DNAH11: variants seen among roughly 807,000 people sequenced by gnomAD.
DNAH11 encodes axonemal beta dynein heavy chain 11.
A neutral mutation model predicts 526.0 loss-of-function variants in DNAH11; 442 were observed. The observed-to-expected ratio is 0.84, with a 90% confidence interval of 0.78 to 0.91. DNAH11 has a LOEUF of 0.91. Ranked by LOEUF, DNAH11 falls within the 40% of genes least tolerant of loss-of-function variation. The pLI is 0.00. For synonymous variants in DNAH11, 2,461 were observed against 1,935.9 expected, an observed-to-expected ratio of 1.27 and a Z score of -7.12; for missense variants, 6,989 against 5,448.7, an observed-to-expected ratio of 1.28 and a Z score of -8.90.
rs750362710 is a variant in DNAH11 at position 21,720,730 on chromosome 7, A to T, written c.7140A>T (p.Leu2380=). 6.4e-7 allele frequency: 1 copy of T among 1,569,878 alleles called. No individual in the cohort carries two copies. Among genetic ancestry groups the T allele is most frequent in the Non-Finnish European group, 8.6e-7 (1 of 1,156,186 alleles). The change falls in exon 44 of 82, where the codon CTA becomes CTT. Residue 2380 remains leucine, a synonymous_variant. Transcript: ENST00000409508. Reference sequence around the variant, plus strand: ...GACTATTTCTTTTTCTTTAGACTCTATGTGTTCTTTTGGAGTGCTTGCTGA... The same window carrying T: ...GACTATTTCTTTTTCTTTAGACTCTTTGTGTTCTTTTGGAGTGCTTGCTGA... ...SIPESSLVQT[L]CVLLECLLTP...
intron 65 of DNAH11, among the ~76,000 whole-genome samples, chr7:21,823,064 C>T (rs1053009311): frequency 2.9e-5 from 4 of 137,842 alleles, no homozygotes; most frequent in African/African-American, 1.1e-4. Flanking sequence ...TTCTCCCATT[C>T]TGTAGGTTGT....
chr7:21,693,404 A>G (rs921552438), intron 35 of DNAH11, among the ~76,000 whole-genome samples: 4 of 152,330 alleles, frequency 2.6e-5, no homozygotes, highest in African/African-American at 4.8e-5. Flanking sequence ...TTAAAAATCT[A>G]TGCCATGAGG....
At chr7:21,862,166 G>A (rs1783089986) in intron 69 of DNAH11, 143 bp downstream of exon 69, 2 of 864,974 alleles carry the variant, frequency 2.3e-6, no homozygotes, top group Non-Finnish European at 3.3e-6. Context: ...AGGGGAATTT[G>A]CTTCCCACAG....
rs1482512281 is a variant in DNAH11 at position 21,895,076 on chromosome 7, A to C, written c.13049+77A>C. The stretch of plus-strand genomic sequence containing the variant: ...GTTAGTGTTCTGAATAATGCTTCCT[A>C]AGAACTATGCAGACGGAGCTTTGTG... On this transcript the variant is annotated intron_variant, in intron 79 of 81. Coordinates refer to ENST00000409508, the MANE Select transcript of DNAH11 (RefSeq NM_001277115.2). 9.1e-6 allele frequency: 11 copies of C among 1,207,130 alleles called. No homozygotes were observed. In the Admixed American group the frequency reaches 1.6e-4, roughly 18 times the overall value. 74.8% of individuals were successfully genotyped at this position (1,207,130 alleles called of 1,614,324 possible). A position where few individuals can be genotyped will look rare whatever the true frequency, so the allele number is the denominator to read the frequency against.
intron 71 of DNAH11, among the ~76,000 whole-genome samples, 177 bp from the exon 72 acceptor site, chr7:21,867,682 A>T (rs1277055095): frequency 3.9e-5 from 6 of 152,196 alleles, no homozygotes; most frequent in African/African-American, 1.4e-4. Flanking sequence ...GAAGGATTTC[A>T]TTGACACACC....
intron 18 of DNAH11, among the ~76,000 whole-genome samples, chr7:21,602,026 C>T (rs1483188145): frequency 2.0e-5 from 3 of 151,564 alleles, no homozygotes; most frequent in Non-Finnish European, 4.4e-5. Flanking sequence ...GTCTTGCAAA[C>T]GTATCATGGA....
intron 2 of DNAH11, among the ~76,000 whole-genome samples, chr7:21,552,644 AG>A (rs1259667435): frequency 1.3e-5 from 2 of 152,226 alleles, no homozygotes; most frequent in African/African-American, 4.8e-5. Flanking sequence ...GAATTTCTCC[AG>A]GACCTTTTCT....
intron 21 of DNAH11, 149 bp from the exon 22 acceptor site, chr7:21,616,060 G>T (rs771541248): frequency 1.3e-4 from 78 of 604,898 alleles, no homozygotes; most frequent in Middle Eastern, 6.1e-4. Flanking sequence ...TTGGTGATAG[G>T]GAAGTTTTGA....
Position 21,868,933 on chromosome 7 carries a change from C to T in DNAH11, c.11909C>T (p.Thr3970Met), listed in dbSNP as rs370661427. 31 of 1,613,810 alleles carry T rather than the reference C, an allele frequency of 1.9e-5. No homozygotes were observed. Among genetic ancestry groups the T allele is most frequent in the East Asian group, 1.6e-4 (7 of 44,896 alleles). The change falls in exon 73 of 82, where the codon ACG becomes ATG. Residue 3970 changes from threonine to methionine, a missense_variant. Transcript: ENST00000409508. ...GTGTCTTTAGGACAAGGTCAGGAGA[C>T]GGTGGCAGAAGTGGCCCTGGAGAAA... is the stretch of plus-strand genomic sequence containing the variant. ...HNVSLGQGQE[T>M]VAEVALEKAS... is the part of the protein sequence containing the mutation.
intron 56 of DNAH11, among the ~76,000 whole-genome samples, chr7:21,777,706 A>G (rs1381709576): frequency 6.6e-6 from 1 of 152,224 alleles, no homozygotes; most frequent in East Asian, 1.9e-4. Flanking sequence ...TCATATGGCT[A>G]AAAAGAACTG....
chr7:21,782,896 C>T (rs568702484), intron 57 of DNAH11, among the ~76,000 whole-genome samples: 21 of 135,558 alleles, frequency 1.5e-4, no homozygotes, highest in South Asian at 7.0e-4. Context: ...GGTGACAGAA[C>T]GAAACTGTCT....
At chr7:21,894,206 T>C (rs9638793) in intron 77 of DNAH11, among the ~76,000 whole-genome samples, 9,835 of 152,312 alleles carry the variant, frequency 0.065, 345 homozygotes, top group South Asian at 0.11. Flanking sequence ...TGTGTGGCTT[T>C]TAAAAGGATC....
chr7:21,594,299 C>T (rs1332750631), intron 14 of DNAH11, among the ~76,000 whole-genome samples: 1 of 152,116 alleles, frequency 6.6e-6, no homozygotes, highest in African/African-American at 2.4e-5. Flanking sequence ...CATTATGTAT[C>T]TTGTCTTTGC....
At chr7:21,720,596 C>A in intron 43 of DNAH11, 129 bp from the exon 44 acceptor site, 1 of 1,073,542 alleles carries the variant, frequency 9.3e-7, no homozygotes, top group Non-Finnish European at 1.3e-6. Context: ...TTGTCTCTCC[C>A]AATGTAGCAA....
rs772705095 is a variant in DNAH11, at chr7:21,842,737, G to C, written c.10885G>C (p.Glu3629Gln). ...TGTCAGTATTGAAAGGCCAGATTTG[G>C]AGAAACTTAAGGTAAAAATGTTTAC... ...EVVSIERPDL[E>Q]KLKLVLTKHQ... The change falls in exon 66 of 82, where the codon GAG (glutamate) becomes CAG (glutamine). Residue 3629 changes from glutamate to glutamine, a missense_variant. Coordinates refer to ENST00000409508, the MANE Select transcript of DNAH11 (RefSeq NM_001277115.2). 3.7e-6 allele frequency: 6 copies of C among 1,608,462 alleles called. No homozygotes were observed. Among genetic ancestry groups the C allele is most frequent in the African/African-American group, 1.3e-5 (1 of 74,720 alleles).
chr7:21,882,560 C>G (rs920592782), intron 75 of DNAH11, among the ~76,000 whole-genome samples: 1 of 152,138 alleles, frequency 6.6e-6, no homozygotes, highest in Non-Finnish European at 1.5e-5. Flanking sequence ...CTTTGGGAGG[C>G]CAAGTCGGGC....
intron 14 of DNAH11, among the ~76,000 whole-genome samples, chr7:21,592,475 G>T (rs1282627047): frequency 3.3e-5 from 5 of 152,152 alleles, no homozygotes; most frequent in Non-Finnish European, 7.4e-5. Context: ...GGTAGTAGAG[G>T]GTGAGGTAGA....
intron 25 of DNAH11, among the ~76,000 whole-genome samples, chr7:21,623,001 CA>C (rs1409963823): frequency 1.3e-5 from 2 of 152,098 alleles, no homozygotes; most frequent in Admixed American, 1.3e-4. Context: ...TTCTGCACAA[CA>C]AAAGAAACTA....
intron 79 of DNAH11, among the ~76,000 whole-genome samples, chr7:21,896,940 T>G (rs969730872): frequency 6.6e-6 from 1 of 152,008 alleles, no homozygotes; most frequent in Admixed American, 6.6e-5. Context: ...CCAGGTGTGG[T>G]GGCATGCGAC....
Sources: allele counts gnomAD v4.1 joint callset (sites outside exome capture counted in the v4.1 genomes callset), GRCh38; gene constraint gnomAD v4.1.1; transcripts MANE v1.5; gene names NCBI Gene and HGNC (gene_info 2026-07-23, HGNC 2026-07-21).